Variants in GLIS3 observed in about 807,000 individuals in gnomAD.
The protein encoded by GLIS3 is GLIS family zinc finger 3.
GLIS3 carries 53 observed loss-of-function variants against 78.6 expected under a neutral mutation model. That is an observed-to-expected ratio of 0.67 (90% confidence interval 0.54 to 0.85). The LOEUF (loss-of-function observed/expected upper bound fraction) is 0.85, where lower values mean the gene tolerates loss of function less well. Among genes scored for constraint, GLIS3 ranks in the 40% least tolerant of loss-of-function variants. The probability of loss-of-function intolerance (pLI) is 0.00; values close to 1 mark genes in which losing one functional copy is unlikely to be tolerated. For missense variants in GLIS3, 1,703 were observed against 1,231.1 expected, an observed-to-expected ratio of 1.38 and a Z score of -5.74; for synonymous variants, 684 against 509.9, an observed-to-expected ratio of 1.34 and a Z score of -4.60.
chr9:3,919,405 A>G (rs570485584), intron 6 of GLIS3, among the ~76,000 whole-genome samples: 2 of 152,178 alleles, frequency 1.3e-5, no homozygotes, highest in African/African-American at 4.8e-5. Flanking sequence ...TGTTCTCATC[A>G]TTTAGCTCCC....
At chr9:4,271,268 A>G (rs1826482824) in intron 2 of GLIS3, among the ~76,000 whole-genome samples, 1 of 152,212 alleles carries the variant, frequency 6.6e-6, no homozygotes, top group South Asian at 2.1e-4. Context: ...AATACATACA[A>G]AATACATGTT....
At chr9:3,991,904 A>G (rs963161445) in intron 4 of GLIS3, among the ~76,000 whole-genome samples, 4 of 151,854 alleles carry the variant, frequency 2.6e-5, no homozygotes, top group Admixed American at 2.6e-4. Context: ...ATTGGCCAGG[A>G]CAGTCTTGAT....
chr9:4,347,891 GAAC>G (rs1445993340), intron 1 of GLIS3, among the ~76,000 whole-genome samples: 1 of 152,072 alleles, frequency 6.6e-6, no homozygotes, highest in African/African-American at 2.4e-5. Context: ...CTAGTAAAGG[GAAC>G]AATAGAGTGG....
chr9:4,152,709 A>G lies in GLIS3; in HGVS notation c.389-26768T>C, dbSNP rs192813986. On this transcript the variant is annotated intron_variant, in intron 2 of 10. Coordinates refer to ENST00000381971, the MANE Select transcript of GLIS3 (RefSeq NM_001042413.2). ...AAAAATTGTTATAAACGAAAATTCA[A>G]TAAGGTGACAAGACGCAATGTAAAT... is the stretch of plus-strand genomic sequence containing the variant. 2.5e-3 allele frequency among the ~76,000 whole-genome samples: 377 copies of G among 152,348 alleles called. 3 individuals carry two copies. The highest frequency in any genetic ancestry group is 8.4e-3 in the African/African-American group (349 of 41,582).
chr9:3,837,476 T>G (rs946174722), intron 9 of GLIS3, among the ~76,000 whole-genome samples: 1 of 152,254 alleles, frequency 6.6e-6, no homozygotes, highest in South Asian at 2.1e-4. Context: ...CATGTATGTT[T>G]ATAGTAGCAT....
intron 7 of GLIS3, among the ~76,000 whole-genome samples, chr9:3,884,139 G>C (rs891605653): frequency 2.6e-5 from 4 of 152,188 alleles, no homozygotes; most frequent in African/African-American, 7.2e-5. Flanking sequence ...AATTTGGTTA[G>C]TATGCAGTTC....
chr9:4,294,956 G>C (rs1816351681), intron 1 of GLIS3, among the ~76,000 whole-genome samples: 1 of 152,134 alleles, frequency 6.6e-6, no homozygotes, highest in African/African-American at 2.4e-5. Context: ...TATAAGTGAG[G>C]TGTGACCATA....
chr9:4,360,159 G>A, the GLIS3 span, among the ~76,000 whole-genome samples: 3 of 152,144 alleles, frequency 2.0e-5, no homozygotes, highest in Admixed American at 6.5e-5. Context: ...TTGTTCTGGA[G>A]AGGCAGCAGG....
At chr9:4,480,422 G>C in the GLIS3 span, among the ~76,000 whole-genome samples, 1 of 151,994 alleles carries the variant, frequency 6.6e-6, no homozygotes, top group Non-Finnish European at 1.5e-5. Context: ...GGCTGGTCTT[G>C]AAGTCCAGGT....
At chr9:4,355,168 G>A in the GLIS3 span, among the ~76,000 whole-genome samples, 2 of 151,942 alleles carry the variant, frequency 1.3e-5, no homozygotes, top group African/African-American at 4.8e-5. Context: ...AAAAGAGAGA[G>A]AGTTCCCTGA....
chr9:4,288,591 G>A (rs1209167319), intron 1 of GLIS3, among the ~76,000 whole-genome samples: 1 of 152,154 alleles, frequency 6.6e-6, no homozygotes, highest in African/African-American at 2.4e-5. Flanking sequence ...CATTAAAAAG[G>A]TGAGTTTGCA....
At chr9:3,984,581 T>C (rs891642823) in intron 4 of GLIS3, among the ~76,000 whole-genome samples, 2 of 152,218 alleles carry the variant, frequency 1.3e-5, no homozygotes, top group African/African-American at 4.8e-5. Context: ...AGGACTTGCC[T>C]TGTCTCAGAT....
chr9:4,311,419 CTAAAT>C (rs1817354877), intron 2 of GLIS3, among the ~76,000 whole-genome samples: 1 of 152,146 alleles, frequency 6.6e-6, no homozygotes, highest in African/African-American at 2.4e-5. Flanking sequence ...AAAAAAGTAA[CTAAAT>C]AAAGTGTTTA....
At chr9:4,057,429 T>A (rs921710759) in intron 4 of GLIS3, among the ~76,000 whole-genome samples, 2 of 152,148 alleles carry the variant, frequency 1.3e-5, no homozygotes, top group Admixed American at 1.3e-4. Context: ...AAGAGCTTGA[T>A]AGGAAAGCAC....
intron 2 of GLIS3, among the ~76,000 whole-genome samples, chr9:4,176,036 C>A (rs888832491): frequency 6.6e-6 from 1 of 152,182 alleles, no homozygotes; most frequent in African/African-American, 2.4e-5. Flanking sequence ...ACACAGAGAA[C>A]TGCAAGTGTG....
intron 4 of GLIS3, among the ~76,000 whole-genome samples, chr9:3,989,036 T>A (rs950751314): frequency 2.6e-5 from 4 of 152,080 alleles, no homozygotes; most frequent in African/African-American, 9.7e-5. Context: ...TAAAGTATAT[T>A]ATAAAAAATC....
the GLIS3 span, among the ~76,000 whole-genome samples, chr9:4,353,993 ATTTTT>A: frequency 7.4e-6 from 1 of 135,756 alleles, no homozygotes; most frequent in Non-Finnish European, 1.6e-5. Flanking sequence ...ACACCCGGCT[ATTTTT>A]TTTTTTTTTT....
At chr9:4,424,369 A>G in the GLIS3 span, among the ~76,000 whole-genome samples, 3 of 152,186 alleles carry the variant, frequency 2.0e-5, no homozygotes, top group Non-Finnish European at 4.4e-5. Flanking sequence ...TTGAAGCTGT[A>G]AACCACTATG....
chr9:4,342,427 G>C (rs1029421186), intron 2 of GLIS3, among the ~76,000 whole-genome samples: 5 of 152,090 alleles, frequency 3.3e-5, no homozygotes, highest in Admixed American at 1.3e-4. Context: ...TTTATTTCTG[G>C]GTTCTCTATT....
Sources: allele counts gnomAD v4.1 joint callset (sites outside exome capture counted in the v4.1 genomes callset), GRCh38; gene constraint gnomAD v4.1.1; transcripts MANE v1.5; gene names NCBI Gene and HGNC (gene_info 2026-07-23, HGNC 2026-07-21).